The following CDH12 variants were observed in gnomAD, a reference collection of about 807,000 sequenced individuals.
CDH12 encodes the protein cadherin-12.
In CDH12, 41 loss-of-function variants were observed where a neutral mutation model predicts 74.1. The observed-to-expected ratio is 0.55, with a 90% CI of 0.43 to 0.72. CDH12 has a LOEUF of 0.72. CDH12 is among the 30% of genes least tolerant of loss of function. The pLI is 0.00. For synonymous variants in CDH12, 399 were observed against 355.0 expected, an observed-to-expected ratio of 1.12 and a Z score of -1.39; for missense variants, 945 against 977.2, an observed-to-expected ratio of 0.97 and a Z score of 0.44.
intron 1 of CDH12, among the ~76,000 whole-genome samples, chr5:22,637,802 T>C (rs1373174976): frequency 6.6e-6 from 1 of 152,360 alleles, no homozygotes; most frequent in East Asian, 1.9e-4. Context: ...TCAGTTACTA[T>C]GAAATTCAGT....
chr5:22,753,846 A>C (rs1745736639), intron 1 of CDH12, among the ~76,000 whole-genome samples: 1 of 152,124 alleles, frequency 6.6e-6, no homozygotes, highest in South Asian at 2.1e-4. Flanking sequence ...AAAATTTTCC[A>C]TAACAATTTG....
chr5:22,035,296 A>G, intron 5 of CDH12, among the ~76,000 whole-genome samples: 1 of 152,078 alleles, frequency 6.6e-6, no homozygotes, highest in East Asian at 1.9e-4. Flanking sequence ...AGGCTATGTT[A>G]TTAGTTATTA....
chr5:22,296,662 T>C (rs1737635463), intron 3 of CDH12, among the ~76,000 whole-genome samples: 1 of 152,210 alleles, frequency 6.6e-6, no homozygotes, highest in South Asian at 2.1e-4. Context: ...TATTTTCAAA[T>C]ATACATGCTA....
intron 6 of CDH12, among the ~76,000 whole-genome samples, chr5:21,900,676 C>CAT (rs1289725653): frequency 6.6e-6 from 1 of 152,132 alleles, no homozygotes; most frequent in East Asian, 1.9e-4. Context: ...ACAGAAAACA[C>CAT]ATATTTCAAT....
chr5:22,490,808 C>T (rs1257932142), intron 2 of CDH12, among the ~76,000 whole-genome samples: 1 of 152,124 alleles, frequency 6.6e-6, no homozygotes, highest in Non-Finnish European at 1.5e-5. Context: ...AACACTCTTG[C>T]CTTTAATTGC....
chr5:22,153,889 A>ATAAAT, intron 4 of CDH12, among the ~76,000 whole-genome samples: 2 of 42,072 alleles, frequency 4.8e-5, no homozygotes, highest in African/African-American at 1.3e-4. Flanking sequence ...TATATATATA[A>ATAAAT]ATATATATAT....
intron 1 of CDH12, among the ~76,000 whole-genome samples, chr5:22,780,331 C>T (rs918984723): frequency 6.6e-6 from 1 of 152,090 alleles, no homozygotes; most frequent in Non-Finnish European, 1.5e-5. Flanking sequence ...TTCAAGGCTG[C>T]AGTGAGCTAT....
chr5:22,734,387 C>G (rs1744581973), intron 1 of CDH12, among the ~76,000 whole-genome samples: 1 of 151,752 alleles, frequency 6.6e-6, no homozygotes, highest in African/African-American at 2.4e-5. Context: ...TATGGCTATC[C>G]CTCAAGGATA....
intron 1 of CDH12, among the ~76,000 whole-genome samples, chr5:22,811,059 A>G (rs1749120616): frequency 6.6e-6 from 1 of 151,844 alleles, no homozygotes; most frequent in Non-Finnish European, 1.5e-5. Flanking sequence ...ATACACATAT[A>G]TACGTATATG....
intron 10 of CDH12, among the ~76,000 whole-genome samples, chr5:21,801,130 A>G (rs1579726542): frequency 6.6e-6 from 1 of 152,204 alleles, no homozygotes; most frequent in African/African-American, 2.4e-5. Context: ...AGAGCAAGTT[A>G]CGTATGCTGT....
At chr5:22,599,048 C>T (rs1490985541) in intron 1 of CDH12, among the ~76,000 whole-genome samples, 1 of 152,100 alleles carries the variant, frequency 6.6e-6, no homozygotes, top group Admixed American at 6.6e-5. Flanking sequence ...AACATGGTCG[C>T]CAAAAATCAG....
At chr5:21,922,302 T>C (rs1490444899) in intron 6 of CDH12, among the ~76,000 whole-genome samples, 1 of 152,130 alleles carries the variant, frequency 6.6e-6, no homozygotes, top group Non-Finnish European at 1.5e-5. Context: ...TAAGAACCAG[T>C]GAATAAGTGT....
chr5:22,490,529 A>T (rs1250655649), intron 2 of CDH12, among the ~76,000 whole-genome samples: 1 of 152,046 alleles, frequency 6.6e-6, no homozygotes, highest in Non-Finnish European at 1.5e-5. Flanking sequence ...CATTCATAAG[A>T]AAAAAATTCA....
At position 22,170,016 on chromosome 5, in the gene CDH12, T is replaced by TAATTGAAATAAAATAA. The variant is rs1748927982; in HGVS notation, c.-187+42481_-187+42482insTTATTTTATTTCAATT. On this transcript the variant is annotated intron_variant, in intron 4 of 14. Transcript: ENST00000382254. Reference sequence around the variant, plus strand: ...AATATGCCTAATTGAAATAAACCACTACAATTTTATTTGCCATTACAATCT... The same window carrying TAATTGAAATAAAATAA: ...AATATGCCTAATTGAAATAAACCACTAATTGAAATAAAATAAACAATTTTATTTGCCATTACAATCT... 3.3e-5 allele frequency among the ~76,000 whole-genome samples: 5 copies of TAATTGAAATAAAATAA among 152,054 alleles called. No individual in the cohort carries two copies. In the South Asian group the frequency reaches 1.0e-3, roughly 31 times the overall value.
intron 2 of CDH12, among the ~76,000 whole-genome samples, chr5:22,490,014 TTGC>T (rs896974646): frequency 1.3e-5 from 2 of 152,168 alleles, no homozygotes; most frequent in Non-Finnish European, 2.9e-5. Context: ...TACTTTTATA[TTGC>T]TCTTTAATAG....
At position 22,292,341 on chromosome 5, in the gene CDH12, G is replaced by T. The variant is rs575879239; in HGVS notation, c.-332-79698C>A. 8.9e-3 allele frequency among the ~76,000 whole-genome samples: 932 copies of T among 105,260 alleles called. 10 individuals are homozygous for T. The highest frequency in any genetic ancestry group is 0.031 in the African/African-American group (889 of 28,904). The allele number at this position is 105,260 out of a possible 152,430, so 69.1% of individuals were successfully genotyped here. A position where few individuals can be genotyped will look rare whatever the true frequency, so the allele number is the denominator to read the frequency against. On this transcript the variant is annotated intron_variant, in intron 3 of 14. Coordinates refer to ENST00000382254, the MANE Select transcript of CDH12 (RefSeq NM_004061.5). ...TTGCTTTTTGGGGTTTTTGGTTTTTGTTTTTTTTTTTTTTTTTTGCTTATG... is the reference window on the plus strand; with the variant it reads ...TTGCTTTTTGGGGTTTTTGGTTTTTTTTTTTTTTTTTTTTTTTTGCTTATG...
At chr5:22,549,879 C>T (rs923674195) in intron 1 of CDH12, among the ~76,000 whole-genome samples, 22 of 152,162 alleles carry the variant, frequency 1.4e-4, no homozygotes, top group African/African-American at 5.3e-4. Flanking sequence ...ATGTGAGCTC[C>T]TCATACAGCA....
intron 5 of CDH12, among the ~76,000 whole-genome samples, chr5:22,002,389 A>G (rs1467993390): frequency 1.3e-5 from 2 of 152,178 alleles, no homozygotes; most frequent in African/African-American, 4.8e-5. Flanking sequence ...TCTATATACT[A>G]TTTTGCATAA....
At chr5:22,177,471 AT>A (rs1398622175) in intron 4 of CDH12, among the ~76,000 whole-genome samples, 1 of 152,194 alleles carries the variant, frequency 6.6e-6, no homozygotes, top group Non-Finnish European at 1.5e-5. Context: ...TAGATATAGT[AT>A]CAACTTAAAA....
Sources: allele counts gnomAD v4.1 joint callset (sites outside exome capture counted in the v4.1 genomes callset), GRCh38; gene constraint gnomAD v4.1.1; transcripts MANE v1.5; gene names NCBI Gene and HGNC (gene_info 2026-07-23, HGNC 2026-07-21).